Variants in MYO18B observed in about 807,000 individuals in gnomAD.
The protein encoded by MYO18B is myosin XVIIIB.
Under a neutral mutation model 273.0 loss-of-function variants are expected in MYO18B, and 204 were observed. The ratio of observed to expected loss-of-function variants is 0.75; its 90% CI spans 0.67 to 0.84. MYO18B has a LOEUF of 0.84. Among genes scored for constraint, MYO18B ranks in the 40% least tolerant of loss-of-function variants. MYO18B has a pLI of 0.00. For missense variants in MYO18B, 3,212 were observed against 3,287.6 expected (o/e 0.98, Z 0.56); for synonymous variants, 1,330 against 1,305.7 (o/e 1.02, Z -0.40).
intron 23 of MYO18B, among the ~76,000 whole-genome samples, 186 bp from the exon 24 acceptor site, chr22:25,876,003 C>CGTGTGTGTGTGTGTGTGTGT (rs4049349): frequency 1.1e-4 from 16 of 140,014 alleles, no homozygotes; most frequent in African/African-American, 3.2e-4. Flanking sequence ...AAAGGAAGCC[C>CGTGTGTGTGTGTGTGTGTGT]GTGTGTGTGT....
the MYO18B span, among the ~76,000 whole-genome samples, chr22:26,061,348 A>C: frequency 1.3e-5 from 2 of 152,234 alleles, no homozygotes; most frequent in East Asian, 1.9e-4. Flanking sequence ...CTGACCCTGA[A>C]TCCTGGCCAT....
At position 25,769,192 on chromosome 22, in the gene MYO18B, G is replaced by A. The variant is rs772470621; in HGVS notation, c.1276G>A (p.Val426Met). The A allele has an allele frequency of 2.5e-6, 4 of 1,609,922 alleles. No individual in the cohort carries two copies. Among genetic ancestry groups the A allele is most frequent in the South Asian group, 1.1e-5 (1 of 89,954 alleles). Residue 426 changes from valine to methionine, a missense_variant, in exon 4 of 44, where the codon GTG becomes ATG. Transcript: ENST00000335473. The part of the protein sequence containing the change: ...CEAPKEVSTM[V>M]ESPAAPGKGG... The stretch of plus-strand genomic sequence containing the variant: ...AGCCCCAAAGGAGGTGAGCACAATG[G>A]TGGAGTCGCCAGCAGCTCCTGGGAA...
At chr22:25,948,453 TCC>T (rs777039369) in intron 36 of MYO18B, among the ~76,000 whole-genome samples, 1 of 130,510 alleles carries the variant, frequency 7.7e-6, no homozygotes, top group African/African-American at 3.3e-5. Flanking sequence ...CTTCCTTCCT[TCC>T]TTCCTTCTTT....
chr22:26,029,899 G>A (rs562726072), intron 43 of MYO18B, among the ~76,000 whole-genome samples: 4 of 152,306 alleles, frequency 2.6e-5, no homozygotes, highest in African/African-American at 7.2e-5. Flanking sequence ...GCACCCCATG[G>A]ATGCAGTAAA....
chr22:25,880,024 A>T (rs1251036607), intron 25 of MYO18B, among the ~76,000 whole-genome samples: 1 of 152,152 alleles, frequency 6.6e-6, no homozygotes, highest in Non-Finnish European at 1.5e-5. Flanking sequence ...TTACAATTTG[A>T]TATGAGGTTT....
At chr22:25,946,376 G>A in intron 35 of MYO18B, 126 bp downstream of exon 35, 3 of 589,526 alleles carry the variant, frequency 5.1e-6, no homozygotes, top group South Asian at 2.3e-5. Context: ...CTACCAGGTA[G>A]CACCTTGGAG....
chr22:26,021,939 T>C (rs949700106), intron 42 of MYO18B, among the ~76,000 whole-genome samples: 3 of 152,198 alleles, frequency 2.0e-5, no homozygotes, highest in African/African-American at 7.2e-5. Context: ...CACTAAGTTA[T>C]AGAACCAGCC....
chr22:25,918,441 A>T (rs1283103273), intron 33 of MYO18B, among the ~76,000 whole-genome samples: 1 of 152,246 alleles, frequency 6.6e-6, no homozygotes, highest in Non-Finnish European at 1.5e-5. Context: ...ATCTTTATCA[A>T]AGTTTGAATC....
At chr22:26,018,279 A>G (rs1355678907) in intron 42 of MYO18B, among the ~76,000 whole-genome samples, 1 of 152,096 alleles carries the variant, frequency 6.6e-6, no homozygotes, top group African/African-American at 2.4e-5. Flanking sequence ...GGAATGTAGG[A>G]TATTCACTGT....
intron 20 of MYO18B, among the ~76,000 whole-genome samples, chr22:25,848,960 G>A (rs898497395): frequency 9.2e-5 from 14 of 152,180 alleles, no homozygotes; most frequent in African/African-American, 3.1e-4. Flanking sequence ...TATTTGACTG[G>A]GAGCAGCTAG....
chr22:25,775,771 C>G lies in MYO18B; in HGVS notation c.1870-1812C>G, dbSNP rs182259900. Among the ~76,000 whole-genome samples, 40 of 152,138 alleles carry G rather than the reference C, an allele frequency of 2.6e-4. 1 individual carries two copies. Among genetic ancestry groups the G allele is most frequent in the African/African-American group, 7.7e-4 (32 of 41,510 alleles). ...TGTTCTCACACTCTTCCTTGGTGAT[C>G]TCATCCAGGCTTGTGGCTTTCAAAC... On this transcript the variant is annotated intron_variant, in intron 7 of 43. Transcript: ENST00000335473.
At chr22:25,948,484 TTCTC>T (rs761255429) in intron 36 of MYO18B, among the ~76,000 whole-genome samples, 4 of 98,590 alleles carry the variant, frequency 4.1e-5, no homozygotes, top group Admixed American at 1.0e-4. Context: ...CTTTCTTTCT[TTCTC>T]TTTCTTTCTT....
the MYO18B span, among the ~76,000 whole-genome samples, chr22:26,037,541 AAG>A: frequency 6.6e-6 from 1 of 152,138 alleles, no homozygotes; most frequent in Non-Finnish European, 1.5e-5. Flanking sequence ...GAACATTTGA[AAG>A]AGTTCCAAAG....
At chr22:25,748,170 A>T (rs2085837447) in intron 1 of MYO18B, among the ~76,000 whole-genome samples, 1 of 152,216 alleles carries the variant, frequency 6.6e-6, no homozygotes, top group South Asian at 2.1e-4. Flanking sequence ...CCATCATTTC[A>T]GTTGGAAAAG....
rs752299163 is a variant in MYO18B at position 25,804,637 on chromosome 22, C to CTG, written c.2521+6547_2521+6548dup. 2.0e-5 allele frequency among the ~76,000 whole-genome samples: 3 copies of CTG among 152,204 alleles called. No homozygotes were observed. In the East Asian group the frequency reaches 5.8e-4, roughly 29 times the overall value. On this transcript the variant is annotated intron_variant, in intron 12 of 43. Coordinates refer to ENST00000335473, the MANE Select transcript of MYO18B (RefSeq NM_032608.7). Reference sequence around the variant, plus strand: ...CACTCCTGAAGTCTAAGCAATTCTCCTGTGTGTGGAAGGTAGCTTTTGGCA... The same window carrying CTG: ...CACTCCTGAAGTCTAAGCAATTCTCCTGTGTGTGTGGAAGGTAGCTTTTGGCA...
intron 17 of MYO18B, among the ~76,000 whole-genome samples, 199 bp from the exon 18 acceptor site, chr22:25,843,536 A>G (rs962394456): frequency 6.6e-6 from 1 of 152,236 alleles, no homozygotes; most frequent in African/African-American, 2.4e-5. Context: ...TAGATTTAAG[A>G]AAGCAAGAAA....
chr22:25,897,508 A>G (rs2091834999), intron 28 of MYO18B: 1 of 152,250 alleles, frequency 6.6e-6, no homozygotes, highest in Admixed American at 6.5e-5. Flanking sequence ...AACAAATTAT[A>G]AAGTTGAGTC....
intron 21 of MYO18B, among the ~76,000 whole-genome samples, chr22:25,851,901 C>A (rs1163982413): frequency 6.6e-6 from 1 of 152,202 alleles, no homozygotes; most frequent in Non-Finnish European, 1.5e-5. Context: ...AGACCAAACC[C>A]CCACAACAAT....
At chr22:25,916,829 C>T (rs753609960) in intron 33 of MYO18B, among the ~76,000 whole-genome samples, 4 of 152,074 alleles carry the variant, frequency 2.6e-5, no homozygotes, top group Admixed American at 1.3e-4. Flanking sequence ...GTCAGGAGTT[C>T]GAGACCAGCC....
Sources: allele counts gnomAD v4.1 joint callset (sites outside exome capture counted in the v4.1 genomes callset), GRCh38; gene constraint gnomAD v4.1.1; transcripts MANE v1.5; gene names NCBI Gene and HGNC (gene_info 2026-07-23, HGNC 2026-07-21).